SAE1: variants seen among roughly 807,000 people sequenced by gnomAD.
SAE1 encodes the protein SUMO-activating enzyme subunit 1.
A neutral mutation model predicts 40.6 loss-of-function variants in SAE1; 11 were observed. That is an observed-to-expected ratio of 0.27 (90% confidence interval 0.17 to 0.45). The LOEUF is 0.45. Ranked by LOEUF, SAE1 falls within the 20% of genes least tolerant of loss-of-function variation. The pLI is 1.00. For missense variants in SAE1, 373 were observed against 427.3 expected (o/e 0.87, Z 1.12); for synonymous variants, 155 against 154.3 (o/e 1.00, Z -0.03).
intron 5 of SAE1, among the ~76,000 whole-genome samples, chr19:47,168,686 T>G (rs964428217): frequency 2.6e-5 from 4 of 151,746 alleles, no homozygotes; most frequent in Admixed American, 6.6e-5. Context: ...CACTGCAACC[T>G]CCCCCCTCCT....
chr19:47,161,990 TTAAAA>T (rs1568594522), intron 5 of SAE1, among the ~76,000 whole-genome samples: 3 of 152,200 alleles, frequency 2.0e-5, no homozygotes, highest in Admixed American at 1.3e-4. Flanking sequence ...TTTAAATTAA[TTAAAA>T]TCAAATCAAA....
intron 6 of SAE1, among the ~76,000 whole-genome samples, chr19:47,187,164 G>A (rs1427259671): frequency 6.6e-6 from 1 of 152,166 alleles, no homozygotes; most frequent in African/African-American, 2.4e-5. Context: ...CAGATGGCAA[G>A]ATGCCGTGAA....
chr19:47,152,784 G>A, intron 3 of SAE1, 114 bp from the exon 4 acceptor site: 1 of 1,025,486 alleles, frequency 9.8e-7, no homozygotes, highest in Non-Finnish European at 1.4e-6. Context: ...GTACCAGTTT[G>A]AAACATGCTT....
chr19:47,142,674 C>T (rs576654177), intron 1 of SAE1: 1 of 152,240 alleles, frequency 6.6e-6, no homozygotes, highest in African/African-American at 2.4e-5. Flanking sequence ...ATTCCTGTCC[C>T]TAGAACATGC....
In SAE1 at chr19:47,149,456, C is replaced by T. The variant is rs148728455; in HGVS notation, c.211-746C>T. 8.1e-3 allele frequency among the ~76,000 whole-genome samples: 1,227 copies of T among 152,146 alleles called. 18 individuals carry two copies. Among genetic ancestry groups the T allele is most frequent in the African/African-American group, 0.027 (1,132 of 41,506 alleles). On this transcript the variant is annotated intron_variant, in intron 2 of 8. Coordinates refer to ENST00000270225, the MANE Select transcript of SAE1 (RefSeq NM_005500.3). ...AAAGTGCTGGGATTACAGGTGTGAGCCACCGTGCCCTGCCCACACTGGTCT... is the reference window on the plus strand; with the variant it reads ...AAAGTGCTGGGATTACAGGTGTGAGTCACCGTGCCCTGCCCACACTGGTCT...
chr19:47,145,230 ACCTCAGGTGAT>A (rs1277369105), intron 2 of SAE1, among the ~76,000 whole-genome samples: 4 of 151,744 alleles, frequency 2.6e-5, no homozygotes, highest in Non-Finnish European at 4.4e-5. Flanking sequence ...TTGAACTCCG[ACCTCAGGTGAT>A]CCTCCCACCT....
chr19:47,188,935 CT>C (rs2058561400), intron 6 of SAE1, among the ~76,000 whole-genome samples: 1 of 152,214 alleles, frequency 6.6e-6, no homozygotes, highest in Non-Finnish European at 1.5e-5. Flanking sequence ...TTGCACCCCC[CT>C]GAGGCTCTCT....
intron 2 of SAE1, among the ~76,000 whole-genome samples, 175 bp downstream of exon 2, chr19:47,143,780 C>T (rs528359226): frequency 2.2e-3 from 341 of 152,244 alleles, no homozygotes; most frequent in African/African-American, 7.7e-3. Context: ...ATTCTAGCTC[C>T]ACCACATCTA....
chr19:47,162,255 G>T (rs768157328), intron 5 of SAE1, among the ~76,000 whole-genome samples: 1 of 152,100 alleles, frequency 6.6e-6, no homozygotes, highest in Non-Finnish European at 1.5e-5. Flanking sequence ...AAGCATTTGG[G>T]TATGCTCATA....
intron 6 of SAE1, among the ~76,000 whole-genome samples, chr19:47,184,804 TTTTGTTTTG>T: frequency 1.4e-5 from 1 of 70,264 alleles, no homozygotes; most frequent in Non-Finnish European, 2.1e-5. Flanking sequence ...TTTGTTTTTG[TTTTGTTTTG>T]TTTTGTTTTG....
At chr19:47,168,707 G>A (rs1484612621) in intron 5 of SAE1, among the ~76,000 whole-genome samples, 2 of 151,950 alleles carry the variant, frequency 1.3e-5, no homozygotes, top group East Asian at 1.9e-4. Context: ...AGGTTCAAGC[G>A]ATTCTCCTGC....
At chr19:47,139,440 C>T (rs1167768941) in intron 1 of SAE1, among the ~76,000 whole-genome samples, 1 of 152,092 alleles carries the variant, frequency 6.6e-6, no homozygotes, top group Non-Finnish European at 1.5e-5. Flanking sequence ...CATGCCTTGC[C>T]CTCCTAAAGT....
intron 6 of SAE1, among the ~76,000 whole-genome samples, chr19:47,187,138 G>A (rs910183650): frequency 2.6e-5 from 4 of 152,218 alleles, no homozygotes; most frequent in Non-Finnish European, 4.4e-5. Context: ...GGAAAGTAAT[G>A]TGGAGGTGAA....
At chr19:47,141,969 A>G (rs990485517) in intron 1 of SAE1, among the ~76,000 whole-genome samples, 1 of 152,142 alleles carries the variant, frequency 6.6e-6, no homozygotes, top group Admixed American at 6.6e-5. Context: ...GGTTCAAGAG[A>G]TTTCAGATAA....
At chr19:47,181,813 ATTT>A (rs985920836) in intron 6 of SAE1, among the ~76,000 whole-genome samples, 1 of 100,308 alleles carries the variant, frequency 1.0e-5, no homozygotes, top group Admixed American at 1.0e-4. Flanking sequence ...ATTTTACAGA[ATTT>A]TTTTTTTTTT....
At chr19:47,200,044 CCTCAGCCT>C (rs2058642937) in intron 7 of SAE1, among the ~76,000 whole-genome samples, 1 of 151,956 alleles carries the variant, frequency 6.6e-6, no homozygotes, top group Admixed American at 6.6e-5. Context: ...CATTCTCCTG[CCTCAGCCT>C]CCCCAGTAGC....
At chr19:47,136,416 G>A (rs2058180310) in intron 1 of SAE1, among the ~76,000 whole-genome samples, 1 of 151,964 alleles carries the variant, frequency 6.6e-6, no homozygotes, top group South Asian at 2.1e-4. Flanking sequence ...GCAATTACAG[G>A]CGTGAGCCAC....
Position 47,131,015 on chromosome 19 carries a change from G to A in SAE1, c.85G>A (p.Glu29Lys). The A allele has an allele frequency of 6.5e-7, 1 of 1,543,720 alleles. No individual in the cohort carries two copies. Residue 29 changes from glutamate to lysine, a missense_variant, in exon 1 of 9, where the codon GAG (glutamate) becomes AAG (lysine). Physicochemically the swap from Glu to Lys is moderately conservative, Grantham distance 56. Coordinates refer to ENST00000270225, the MANE Select transcript of SAE1 (RefSeq NM_005500.3). ...CCGGCAGATCCGCCTGTGGGGACTG[G>A]AGGCCCAGAAACGGTCAGGGCCGGC... is the stretch of plus-strand genomic sequence containing the variant. ...YDRQIRLWGL[E>K]AQKRLRASRV...
intron 5 of SAE1, among the ~76,000 whole-genome samples, chr19:47,167,612 A>C (rs1437159461): frequency 6.6e-6 from 1 of 152,168 alleles, no homozygotes; most frequent in Admixed American, 6.6e-5. Context: ...GGTAACTGAT[A>C]GATCTTGGTT....
Sources: gnomAD v4.1 joint callset for allele counts (sites outside exome capture counted in the v4.1 genomes callset) on GRCh38, gnomAD v4.1.1 for gene constraint, MANE v1.5 for transcripts, NCBI Gene and HGNC (gene_info 2026-07-23, HGNC 2026-07-21) for gene names.